XKR4: variants seen among roughly 807,000 people sequenced by gnomAD.
XKR4 encodes XK related 4.
In XKR4, 12 loss-of-function variants were observed where a neutral mutation model predicts 53.9. The ratio of observed to expected loss-of-function variants is 0.22; its 90% CI spans 0.14 to 0.36. The LOEUF is 0.36. Ranked by LOEUF, XKR4 falls within the 10% of genes least tolerant of loss-of-function variation. XKR4 has a pLI of 1.00. For missense variants in XKR4, 799 were observed against 859.5 expected (o/e 0.93, Z 0.88); for synonymous variants, 354 against 362.4 (o/e 0.98, Z 0.26).
At chr8:55,320,300 C>T (rs1803186209) in intron 1 of XKR4, among the ~76,000 whole-genome samples, 1 of 152,160 alleles carries the variant, frequency 6.6e-6, no homozygotes, top group Non-Finnish European at 1.5e-5. Flanking sequence ...AAGACCTCAC[C>T]TGTTAGGCTC....
At chr8:55,108,491 T>G (rs547703290) in intron 1 of XKR4, among the ~76,000 whole-genome samples, 1 of 152,182 alleles carries the variant, frequency 6.6e-6, no homozygotes, top group Non-Finnish European at 1.5e-5. Flanking sequence ...ATCTATTGGC[T>G]TCACAGGCTT....
At chr8:55,250,736 A>C (rs909806433) in intron 1 of XKR4, among the ~76,000 whole-genome samples, 2 of 152,358 alleles carry the variant, frequency 1.3e-5, no homozygotes, top group South Asian at 2.1e-4. Flanking sequence ...ATGTACTAGC[A>C]ACTGTGAATG....
chr8:55,104,422 G>A (rs903394220), intron 1 of XKR4, among the ~76,000 whole-genome samples: 2 of 152,270 alleles, frequency 1.3e-5, no homozygotes, highest in South Asian at 4.1e-4. Context: ...TGTGGTACTG[G>A]TGCTCTTTTT....
At chr8:55,451,946 G>T in intron 2 of XKR4, 2 of 772,956 alleles carry the variant, frequency 2.6e-6, no homozygotes, top group Non-Finnish European at 2.3e-6. Context: ...TGGCTCCAGT[G>T]CTCCTAGCTG....
At chr8:55,155,632 AAGAG>A (rs1254377879) in intron 1 of XKR4, among the ~76,000 whole-genome samples, 2 of 65,448 alleles carry the variant, frequency 3.1e-5, no homozygotes, top group Non-Finnish European at 5.4e-5. Context: ...TAAAGGCATT[AAGAG>A]AGAGAGAGAG....
At chr8:55,376,073 G>A (rs1256618799) in intron 2 of XKR4, among the ~76,000 whole-genome samples, 1 of 152,070 alleles carries the variant, frequency 6.6e-6, no homozygotes, top group African/African-American at 2.4e-5. Flanking sequence ...TCCTTTTTAT[G>A]GCTGCATAGT....
At chr8:55,396,399 G>GTTTTTTTTTTTTTTTTTTTTTTTTTTTTT (rs71256534) in intron 2 of XKR4, among the ~76,000 whole-genome samples, 4 of 88,750 alleles carry the variant, frequency 4.5e-5, no homozygotes, top group African/African-American at 1.5e-4. Context: ...TTTTTGTTTG[G>GTTTTTTTTTTTTTTTTTTTTTTTTTTTTT]TTTTTTTTTT....
At chr8:55,345,621 G>T (rs142534515) in intron 1 of XKR4, among the ~76,000 whole-genome samples, 295 of 152,320 alleles carry the variant, frequency 1.9e-3, no homozygotes, top group African/African-American at 6.7e-3. Context: ...AAGTGGTCAG[G>T]TTCAAGGATT....
chr8:55,206,432 G>A (rs1409233239), intron 1 of XKR4, among the ~76,000 whole-genome samples: 1 of 151,978 alleles, frequency 6.6e-6, no homozygotes, highest in Non-Finnish European at 1.5e-5. Context: ...GAGCCCACCT[G>A]GCTTCACCTC....
chr8:55,185,183 G>A (rs570256424), intron 1 of XKR4, among the ~76,000 whole-genome samples: 6 of 152,286 alleles, frequency 3.9e-5, no homozygotes, highest in South Asian at 2.1e-4. Flanking sequence ...TGGCAATTCT[G>A]TTTTTATTGC....
intron 1 of XKR4, among the ~76,000 whole-genome samples, chr8:55,205,664 A>C (rs914204311): frequency 1.3e-5 from 2 of 152,234 alleles, no homozygotes; most frequent in African/African-American, 4.8e-5. Context: ...AATTTTAAGA[A>C]GGTAGTAAAG....
At chr8:55,141,981 T>G (rs1057433146) in intron 1 of XKR4, 33 of 429,150 alleles carry the variant, frequency 7.7e-5, no homozygotes, top group African/African-American at 6.7e-4. Flanking sequence ...GCCTCTCTAT[T>G]TCCAGGGGTG....
intron 2 of XKR4, among the ~76,000 whole-genome samples, chr8:55,476,407 C>T (rs962889435): frequency 6.6e-6 from 1 of 152,100 alleles, no homozygotes; most frequent in Non-Finnish European, 1.5e-5. Context: ...AGTGAAATTG[C>T]ATGTTAGAAA....
At chr8:55,178,518 C>T (rs1817263005) in intron 1 of XKR4, among the ~76,000 whole-genome samples, 2 of 152,170 alleles carry the variant, frequency 1.3e-5, no homozygotes, top group South Asian at 4.1e-4. Flanking sequence ...AACAGATCTC[C>T]TGACCCCACC....
chr8:55,313,720 C>G (rs1026196453), intron 1 of XKR4, among the ~76,000 whole-genome samples: 1 of 152,184 alleles, frequency 6.6e-6, no homozygotes, highest in African/African-American at 2.4e-5. Flanking sequence ...AAAGCAACTT[C>G]GAGTCACCTG....
At chr8:55,377,925 A>C (rs1212201127) in intron 2 of XKR4, among the ~76,000 whole-genome samples, 1 of 152,248 alleles carries the variant, frequency 6.6e-6, no homozygotes, top group Admixed American at 6.5e-5. Context: ...CCTAACACTC[A>C]TAAAGAGAAT....
chr8:55,207,870 G>T (rs1171969266), intron 1 of XKR4, among the ~76,000 whole-genome samples: 4 of 152,092 alleles, frequency 2.6e-5, no homozygotes, highest in African/African-American at 9.7e-5. Flanking sequence ...CCTCCAGCAC[G>T]TTCCCCAGGC....
At chr8:55,106,026 A>G (rs550234810) in intron 1 of XKR4, among the ~76,000 whole-genome samples, 1 of 152,192 alleles carries the variant, frequency 6.6e-6, no homozygotes, top group African/African-American at 2.4e-5. Flanking sequence ...TCAATACATT[A>G]TACACAAATA....
At chr8:55,146,462 C>T (rs1038853578) in intron 1 of XKR4, among the ~76,000 whole-genome samples, 1 of 152,220 alleles carries the variant, frequency 6.6e-6, no homozygotes, top group African/African-American at 2.4e-5. Context: ...CTTTCCACTG[C>T]AGAACTTTCT....
Sources: allele counts gnomAD v4.1 joint callset (sites outside exome capture counted in the v4.1 genomes callset), GRCh38; gene constraint gnomAD v4.1.1; transcripts MANE v1.5; gene names NCBI Gene and HGNC (gene_info 2026-07-23, HGNC 2026-07-21).